Variants in WWP2 observed in about 807,000 individuals in gnomAD.
The protein encoded by WWP2 is WW domain containing E3 ubiquitin protein ligase 2.
A neutral mutation model predicts 121.0 loss-of-function variants in WWP2; 57 were observed. That is an observed-to-expected ratio of 0.47 (90% confidence interval 0.38 to 0.59). WWP2 has a LOEUF of 0.59. WWP2 is among the 20% of genes least tolerant of loss of function. The pLI, the probability that WWP2 is intolerant of heterozygous loss-of-function variation, is 0.00. For missense variants in WWP2, 962 were observed against 1,158.9 expected, an observed-to-expected ratio of 0.83 and a Z score of 2.47; for synonymous variants, 449 against 441.3, an observed-to-expected ratio of 1.02 and a Z score of -0.22.
intron 1 of WWP2, among the ~76,000 whole-genome samples, chr16:69,784,937 T>A (rs76499841): frequency 2.6e-5 from 4 of 151,642 alleles, no homozygotes; most frequent in South Asian, 2.1e-4. Flanking sequence ...TTTTTTTTTT[T>A]AAAGAAAAGA....
At chr16:69,928,395 G>A (rs1198716953) in intron 11 of WWP2, among the ~76,000 whole-genome samples, 1 of 151,958 alleles carries the variant, frequency 6.6e-6, no homozygotes, top group African/African-American at 2.4e-5. Flanking sequence ...GAGCTGAGAG[G>A]TTATCCCTTT....
At chr16:69,850,889 A>T (rs2057196542) in intron 6 of WWP2, among the ~76,000 whole-genome samples, 1 of 150,252 alleles carries the variant, frequency 6.7e-6, no homozygotes, top group Non-Finnish European at 1.5e-5. Context: ...AAACATATAT[A>T]CTCTCTTCCC....
In WWP2 at chr16:69,910,060, C is replaced by G. The variant is rs1267980185; in HGVS notation, c.1004+1210C>G. 3.3e-5 allele frequency: 5 copies of G among 153,658 alleles called. No homozygotes were observed. The East Asian group carries it at 9.6e-4, about 30-fold the overall frequency. 9.5% of individuals were successfully genotyped at this position (153,658 alleles called of 1,614,324 possible). On this transcript the variant is annotated intron_variant, in intron 9 of 23. Coordinates refer to ENST00000359154, the MANE Select transcript of WWP2 (RefSeq NM_001270454.2). ...GCAGCAGACTCTATGGCTTGCAAAA[C>G]CTAAAATAATTACTTTGTGTAGCGC...
At chr16:69,921,346 A>G (rs2058558773) in intron 10 of WWP2, among the ~76,000 whole-genome samples, 1 of 152,222 alleles carries the variant, frequency 6.6e-6, no homozygotes, top group African/African-American at 2.4e-5. Context: ...TTAAGACCCA[A>G]TACTAGACTA....
intron 4 of WWP2, among the ~76,000 whole-genome samples, chr16:69,825,268 T>G (rs943823435): frequency 6.6e-6 from 1 of 151,450 alleles, no homozygotes; most frequent in African/African-American, 2.4e-5. Context: ...CTACTAAAAA[T>G]ACAAAATTAG....
intron 8 of WWP2, among the ~76,000 whole-genome samples, chr16:69,889,200 C>A (rs2057982515): frequency 6.6e-6 from 1 of 152,066 alleles, no homozygotes; most frequent in Non-Finnish European, 1.5e-5. Context: ...GTGACCTGTG[C>A]CTGTAGTCGT....
rs1305253292 is a variant in WWP2 at position 69,925,535 on chromosome 16, C to T, written c.1234+51C>T. On this transcript the variant is annotated intron_variant, in intron 11 of 23. Coordinates refer to ENST00000359154, the MANE Select transcript of WWP2 (RefSeq NM_001270454.2). The surrounding 1 kb of genome is among the most constrained non-coding windows in gnomAD (Gnocchi z 4.0). ...CCTTGGCCTTCCGTCAGCCACGGTG[C>T]TCTGTCCTCTCCTCCCGCGTGTCTT... 2 of 1,605,350 alleles carry T rather than the reference C, an allele frequency of 1.2e-6. No homozygotes were observed. Among genetic ancestry groups the T allele is most frequent in the South Asian group, 2.2e-5 (2 of 90,490 alleles).
intron 11 of WWP2, among the ~76,000 whole-genome samples, chr16:69,928,635 A>AC (rs2058670769): frequency 6.6e-6 from 1 of 152,208 alleles, no homozygotes; most frequent in Non-Finnish European, 1.5e-5. Context: ...CAGGCCAGGC[A>AC]CGGTGGCTTA....
At chr16:69,931,484 A>G in intron 14 of WWP2, 25 bp from the exon 15 acceptor site, 1 of 1,611,994 alleles carries the variant, frequency 6.2e-7, no homozygotes, top group African/African-American at 1.3e-5. Flanking sequence ...CTCGATTTAA[A>G]GTTCTTTTCT....
At chr16:69,836,548 C>G (rs1347899995) in intron 4 of WWP2, among the ~76,000 whole-genome samples, 1 of 152,114 alleles carries the variant, frequency 6.6e-6, no homozygotes. Context: ...GGGTTATGTT[C>G]TCAAAAGTTT....
At chr16:69,845,949 C>G (rs1361946603) in intron 6 of WWP2, among the ~76,000 whole-genome samples, 1 of 145,728 alleles carries the variant, frequency 6.9e-6, no homozygotes, top group East Asian at 2.2e-4. Flanking sequence ...ACTCAGAAGG[C>G]TGAGGCAGGA....
rs1401765755 is a variant in WWP2, at chr16:69,941,120, AG to A, written c.*1182del. Reference sequence around the variant, plus strand: ...ACACAGGACATGAAAACCAGCAGAAAGGCCCTGAGCTGCTGCATAGCCCCAT... The same window carrying A: ...ACACAGGACATGAAAACCAGCAGAAAGCCCTGAGCTGCTGCATAGCCCCAT... On this transcript the variant is annotated 3_prime_UTR_variant, in exon 24 of 24. Transcript: ENST00000359154. The A allele has an allele frequency of 6.6e-6, 1 of 152,316 alleles. No homozygotes were observed. The highest frequency in any genetic ancestry group is 6.5e-5 in the Admixed American group (1 of 15,290). 9.4% of individuals were successfully genotyped at this position (152,316 alleles called of 1,614,324 possible). A position where few individuals can be genotyped will look rare whatever the true frequency, so the allele number is the denominator to read the frequency against.
intron 1 of WWP2, among the ~76,000 whole-genome samples, chr16:69,775,507 A>T (rs934920544): frequency 6.6e-6 from 1 of 151,730 alleles, no homozygotes; most frequent in African/African-American, 2.4e-5. Flanking sequence ...TTTTCTGTTG[A>T]CTCTTATAGT....
At chr16:69,870,172 G>A (rs72785037) in intron 6 of WWP2, among the ~76,000 whole-genome samples, 8,394 of 152,098 alleles carry the variant, frequency 0.055, 287 homozygotes, top group Middle Eastern at 0.11. Flanking sequence ...CTACCTTTAG[G>A]GTTCCCATGT....
chr16:69,795,905 C>G (rs1450868446), intron 2 of WWP2, among the ~76,000 whole-genome samples: 1 of 151,762 alleles, frequency 6.6e-6, no homozygotes, highest in Non-Finnish European at 1.5e-5. Flanking sequence ...GCCTCGGCCT[C>G]CCAAAGAGCT....
At chr16:69,808,238 G>T (rs2056320355) in intron 4 of WWP2, among the ~76,000 whole-genome samples, 1 of 151,210 alleles carries the variant, frequency 6.6e-6, no homozygotes, top group Admixed American at 6.6e-5. Context: ...TGAGATTAAA[G>T]ATATATGACC....
chr16:69,831,826 C>CG (rs1567691338), intron 4 of WWP2, among the ~76,000 whole-genome samples: 2 of 146,326 alleles, frequency 1.4e-5, no homozygotes, highest in African/African-American at 5.2e-5. Context: ...AAAAACAAAA[C>CG]CTTTTTTTTT....
chr16:69,798,787 G>T lies in WWP2; in HGVS notation c.176G>T (p.Arg59Leu), dbSNP rs1029698891. Reference protein sequence around the residue: ...LPSETKKTGKRIGSSELLWNE... With the variant: ...LPSETKKTGKLIGSSELLWNE... ...AGTGAGACCAAGAAGACTGGGAAGC[G>T]CATTGGGAGCTCTGAGCTTCTCTGG... Residue 59 changes from arginine (R) to leucine (L), a missense_variant, in exon 3 of 24, where the codon CGC becomes CTC. Arg to Leu is a moderately radical substitution (Grantham distance 102). Coordinates refer to ENST00000359154, the MANE Select transcript of WWP2 (RefSeq NM_001270454.2). The T allele has an allele frequency of 1.2e-6, 2 of 1,613,930 alleles. No individual in the cohort carries two copies. The highest frequency in any genetic ancestry group is 1.7e-5 in the Admixed American group (1 of 59,968).
At chr16:69,883,588 C>T (rs76464903) in intron 7 of WWP2, among the ~76,000 whole-genome samples, 6,426 of 152,054 alleles carry the variant, frequency 0.042, 466 homozygotes, top group African/African-American at 0.15. Context: ...CTTTAAGTTC[C>T]GGGGTACGTG....
Sources: gnomAD v4.1 joint callset for allele counts (sites outside exome capture counted in the v4.1 genomes callset) on GRCh38, gnomAD v4.1.1 for gene constraint, Gnocchi (gnomAD v3.1) non-coding constraint, MANE v1.5 for transcripts, NCBI Gene and HGNC (gene_info 2026-07-23, HGNC 2026-07-21) for gene names.